Variants in GPC5 observed in about 807,000 individuals in gnomAD.
GPC5 encodes glypican 5, also known as glypican-5.
GPC5 carries 47 observed loss-of-function variants against 53.9 expected under a neutral mutation model. That is an observed-to-expected ratio of 0.87 (90% confidence interval 0.69 to 1.11). The LOEUF (loss-of-function observed/expected upper bound fraction) is 1.11. GPC5 is among the 50% of genes most tolerant of loss of function. The probability of loss-of-function intolerance (pLI) is 0.00; values close to 1 mark genes in which losing one functional copy is unlikely to be tolerated. For synonymous variants in GPC5, 286 were observed against 263.3 expected, an observed-to-expected ratio of 1.09 and a Z score of -0.84; for missense variants, 748 against 713.1, an observed-to-expected ratio of 1.05 and a Z score of -0.56.
intron 7 of GPC5, among the ~76,000 whole-genome samples, chr13:92,329,616 G>A (rs1342816223): frequency 6.6e-6 from 1 of 152,118 alleles, no homozygotes; most frequent in Non-Finnish European, 1.5e-5. Context: ...ATTAGTTTCT[G>A]CTGCCACCAT....
At chr13:91,710,616 T>C (rs1283551727) in intron 3 of GPC5, among the ~76,000 whole-genome samples, 1 of 152,168 alleles carries the variant, frequency 6.6e-6, no homozygotes, top group Admixed American at 6.5e-5. Flanking sequence ...AATTCAGGAA[T>C]GCAAACATCA....
chr13:91,670,653 C>T (rs1402602304), intron 2 of GPC5, among the ~76,000 whole-genome samples: 2 of 152,174 alleles, frequency 1.3e-5, no homozygotes, highest in African/African-American at 2.4e-5. Flanking sequence ...CTCCTCTGAT[C>T]TGCTTCAGTC....
At chr13:92,237,277 T>C (rs1267927725) in intron 7 of GPC5, among the ~76,000 whole-genome samples, 1 of 152,186 alleles carries the variant, frequency 6.6e-6, no homozygotes. Context: ...TGGAGTGCAG[T>C]GGCGTAATCT....
chr13:91,703,628 T>A (rs1184106516), intron 3 of GPC5, among the ~76,000 whole-genome samples: 1 of 152,142 alleles, frequency 6.6e-6, no homozygotes. Flanking sequence ...AGTGTCCTTA[T>A]CTGGCTTTTG....
chr13:91,483,074 A>C (rs1883392784), intron 2 of GPC5, among the ~76,000 whole-genome samples: 2 of 152,186 alleles, frequency 1.3e-5, no homozygotes, highest in South Asian at 2.1e-4. Context: ...CATAGGAATT[A>C]GTTTTCACGT....
chr13:92,741,571 A>T (rs1335964146), intron 7 of GPC5, among the ~76,000 whole-genome samples: 2 of 151,982 alleles, frequency 1.3e-5, no homozygotes, highest in Non-Finnish European at 2.9e-5. Flanking sequence ...AGGAGTAAAC[A>T]TACCAAGCTA....
chr13:92,191,822 C>T (rs2042224483), intron 7 of GPC5, among the ~76,000 whole-genome samples: 2 of 152,148 alleles, frequency 1.3e-5, no homozygotes, highest in South Asian at 4.1e-4. Flanking sequence ...AATGGGATTG[C>T]ACGCTCATTG....
intron 2 of GPC5, among the ~76,000 whole-genome samples, chr13:91,628,854 A>T (rs2034081120): frequency 6.6e-6 from 1 of 152,154 alleles, no homozygotes. Context: ...AGGTCTGAGA[A>T]GGGGGCTCAA....
intron 6 of GPC5, among the ~76,000 whole-genome samples, chr13:92,112,993 C>A (rs1467809402): frequency 6.6e-6 from 1 of 152,088 alleles, no homozygotes. Flanking sequence ...TTATTACCAT[C>A]ATTTTGTGTA....
chr13:92,416,544 T>G (rs1040731020), intron 7 of GPC5, among the ~76,000 whole-genome samples: 1 of 152,208 alleles, frequency 6.6e-6, no homozygotes, highest in African/African-American at 2.4e-5. Context: ...GTTGAATCCC[T>G]ACATCACACC....
chr13:91,871,881 T>C (rs2039149185), intron 5 of GPC5, among the ~76,000 whole-genome samples: 1 of 152,010 alleles, frequency 6.6e-6, no homozygotes, highest in Admixed American at 6.6e-5. Context: ...GCTTCAGGTG[T>C]GTGACTGAAA....
chr13:92,543,678 G>A (rs969270328), intron 7 of GPC5, among the ~76,000 whole-genome samples: 1 of 152,006 alleles, frequency 6.6e-6, no homozygotes, highest in Non-Finnish European at 1.5e-5. Flanking sequence ...AGGAGAGAGT[G>A]CGCAGCTATA....
At chr13:91,602,137 G>T (rs116253711) in intron 2 of GPC5, among the ~76,000 whole-genome samples, 311 of 152,354 alleles carry the variant, frequency 2.0e-3, no homozygotes, top group African/African-American at 7.1e-3. Context: ...GGATAGTGAA[G>T]AATTTTCTTT....
intron 7 of GPC5, among the ~76,000 whole-genome samples, chr13:92,769,609 C>T (rs1875536016): frequency 6.6e-6 from 1 of 152,106 alleles, no homozygotes; most frequent in Admixed American, 6.6e-5. Context: ...AAAATTAAAG[C>T]AGTGTGACCT....
At chr13:91,905,871 T>C (rs779902480) in intron 5 of GPC5, among the ~76,000 whole-genome samples, 5 of 152,080 alleles carry the variant, frequency 3.3e-5, no homozygotes, top group Non-Finnish European at 7.4e-5. Flanking sequence ...GATGATAGTA[T>C]TTGTTTTCAT....
rs142802606 is a variant in GPC5 at position 91,753,776 on chromosome 13, C to T, written c.1155-2519C>T. Among the ~76,000 whole-genome samples the T allele has an allele frequency of 2.6e-3, 400 of 152,308 alleles. 5 individuals are homozygous for T. Among genetic ancestry groups the T allele is most frequent in the African/African-American group, 5.1e-3 (210 of 41,572 alleles). On this transcript the variant is annotated intron_variant, in intron 4 of 7. Coordinates refer to ENST00000377067, the MANE Select transcript of GPC5 (RefSeq NM_004466.6). Reference sequence around the variant, plus strand: ...CGTATTTTCTTTCCTCTTACCCTTACTCATCCAGGCTTTTTGTTTGGTTTG... The same window carrying T: ...CGTATTTTCTTTCCTCTTACCCTTATTCATCCAGGCTTTTTGTTTGGTTTG...
At chr13:92,763,411 C>A (rs1234571050) in intron 7 of GPC5, among the ~76,000 whole-genome samples, 1 of 152,154 alleles carries the variant, frequency 6.6e-6, no homozygotes, top group East Asian at 1.9e-4. Context: ...GCCTACGCTG[C>A]AGAAGTTCGT....
intron 7 of GPC5, among the ~76,000 whole-genome samples, chr13:92,323,211 G>A (rs1448513764): frequency 2.6e-5 from 4 of 151,110 alleles, no homozygotes; most frequent in African/African-American, 7.3e-5. Context: ...GAGGTACTTA[G>A]TATTTTCGGT....
Position 91,572,142 on chromosome 13 carries a change from T to C in GPC5, c.326-121045T>C, listed in dbSNP as rs1193133457. On this transcript the variant is annotated intron_variant, in intron 2 of 7. Transcript: ENST00000377067. ...ATATACGTGTGTATATACACATATG[T>C]ATATATACGTGTGTATACACACACA... 3.5e-5 allele frequency among the ~76,000 whole-genome samples: 5 copies of C among 141,610 alleles called. 1 individual carries two copies. The highest frequency in any genetic ancestry group is 1.4e-4 in the African/African-American group (5 of 36,436). 92.9% of individuals were successfully genotyped at this position (141,610 alleles called of 152,430 possible). A position where few individuals can be genotyped will look rare whatever the true frequency, so the allele number is the denominator to read the frequency against.
Sources: gnomAD v4.1 joint callset for allele counts (sites outside exome capture counted in the v4.1 genomes callset) on GRCh38, gnomAD v4.1.1 for gene constraint, MANE v1.5 for transcripts, NCBI Gene and HGNC (gene_info 2026-07-23, HGNC 2026-07-21) for gene names.